The following KAZN variants were observed in gnomAD, a reference collection of about 807,000 sequenced individuals.
KAZN encodes the protein kazrin.
KAZN carries 40 observed loss-of-function variants against 87.4 expected under a neutral mutation model. The ratio of observed to expected loss-of-function variants is 0.46; its 90% confidence interval spans 0.36 to 0.60. The LOEUF (loss-of-function observed/expected upper bound fraction) is 0.60, where lower values mean the gene tolerates loss of function less well. Among genes scored for constraint, KAZN ranks in the 20% least tolerant of loss-of-function variants. The probability of loss-of-function intolerance (pLI) is 0.00; values close to 1 mark genes in which losing one functional copy is unlikely to be tolerated. For synonymous variants in KAZN, 466 were observed against 458.3 expected (o/e 1.02, Z -0.22); for missense variants, 898 against 1,073.9 (o/e 0.84, Z 2.29).
intron 2 of KAZN, among the ~76,000 whole-genome samples, chr1:14,465,203 T>C (rs1231494642): frequency 6.6e-6 from 1 of 151,374 alleles, no homozygotes; most frequent in Non-Finnish European, 1.5e-5. Context: ...ATCGAGACCA[T>C]CCTGGCTAAC....
intron 2 of KAZN, among the ~76,000 whole-genome samples, chr1:14,219,137 G>A (rs1016719939): frequency 6.6e-6 from 1 of 152,032 alleles, no homozygotes; most frequent in Non-Finnish European, 1.5e-5. Flanking sequence ...AGAGACCAAA[G>A]GGTAACCTGT....
At chr1:14,298,823 A>G (rs1443142705) in intron 2 of KAZN, among the ~76,000 whole-genome samples, 1 of 152,200 alleles carries the variant, frequency 6.6e-6, no homozygotes, top group Non-Finnish European at 1.5e-5. Context: ...GAGTATACAA[A>G]TGATTTATTC....
chr1:13,941,547 C>T (rs12081055), intron 1 of KAZN, among the ~76,000 whole-genome samples: 78,580 of 151,998 alleles, frequency 0.52, 20,692 homozygotes, highest in Admixed American at 0.59. Context: ...CTATGTAAAG[C>T]AGATGGGATT....
At chr1:15,111,286 G>GTTGTTGT (rs1641610876) in intron 13 of KAZN, among the ~76,000 whole-genome samples, 1 of 151,940 alleles carries the variant, frequency 6.6e-6, no homozygotes, top group Non-Finnish European at 1.5e-5. Context: ...TGTTGTTGTT[G>GTTGTTGT]TTGTTGTTGT....
chr1:14,261,229 C>G (rs1180519650), intron 2 of KAZN, among the ~76,000 whole-genome samples: 1 of 151,860 alleles, frequency 6.6e-6, no homozygotes. Flanking sequence ...TGGTCTGAGA[C>G]TCAGTTACTG....
At chr1:14,014,469 A>C (rs1274656968) in intron 1 of KAZN, among the ~76,000 whole-genome samples, 1 of 152,094 alleles carries the variant, frequency 6.6e-6, no homozygotes, top group African/African-American at 2.4e-5. Context: ...GCAATGATCC[A>C]AGCAGAAACC....
chr1:13,996,692 A>C (rs1639533494), intron 1 of KAZN, among the ~76,000 whole-genome samples: 1 of 152,176 alleles, frequency 6.6e-6, no homozygotes, highest in Admixed American at 6.5e-5. Flanking sequence ...CAGGGATAGA[A>C]CTCAGGTCTC....
intron 1 of KAZN, among the ~76,000 whole-genome samples, chr1:14,637,342 T>G (rs936103920): frequency 6.6e-6 from 1 of 152,162 alleles, no homozygotes; most frequent in Non-Finnish European, 1.5e-5. Flanking sequence ...TTTGCTTACA[T>G]TAACTTATTT....
chr1:14,899,919 G>A (rs140215295), intron 1 of KAZN, among the ~76,000 whole-genome samples: 3 of 152,340 alleles, frequency 2.0e-5, no homozygotes, highest in Non-Finnish European at 4.4e-5. Flanking sequence ...AATGAAAGCT[G>A]GCGCATAATC....
intron 2 of KAZN, among the ~76,000 whole-genome samples, chr1:14,552,356 G>T (rs1163410296): frequency 6.6e-6 from 1 of 152,178 alleles, no homozygotes; most frequent in Non-Finnish European, 1.5e-5. Context: ...AGGCAGGAGG[G>T]CTGGGAGCCG....
At chr1:14,807,402 C>T (rs1424836139) in intron 1 of KAZN, among the ~76,000 whole-genome samples, 1 of 152,140 alleles carries the variant, frequency 6.6e-6, no homozygotes, top group Non-Finnish European at 1.5e-5. Flanking sequence ...CTTGAAGTAG[C>T]CAGAAGAGTC....
chr1:14,924,576 G>C (rs1166290074), intron 1 of KAZN: 1 of 1,012,680 alleles, frequency 9.9e-7, no homozygotes, highest in East Asian at 9.8e-5. Context: ...CAGCCCGGTA[G>C]GTGCGCGCGG....
intron 1 of KAZN, among the ~76,000 whole-genome samples, chr1:14,934,759 G>A (rs1660255954): frequency 1.3e-5 from 2 of 152,228 alleles, no homozygotes; most frequent in African/African-American, 4.8e-5. Context: ...GGGGGCTGAT[G>A]CTGGCCAGTA....
chr1:14,640,059 G>A lies in KAZN; in HGVS notation c.226+40836G>A, dbSNP rs531968061. Among the ~76,000 whole-genome samples, 3 of 152,302 alleles carry A rather than the reference G, an allele frequency of 2.0e-5. No homozygotes were observed. In the East Asian group the frequency reaches 5.8e-4, roughly 29 times the overall value. ...CTTGGAAACTGGAAATCCACAAAAG[G>A]TTGTTCGAGAAATGCTCTGGGTTTG... On this transcript the variant is annotated intron_variant, in intron 1 of 14. Transcript: ENST00000376030.
intron 2 of KAZN, among the ~76,000 whole-genome samples, chr1:14,517,787 A>G (rs1019210477): frequency 1.3e-5 from 2 of 152,242 alleles, no homozygotes; most frequent in African/African-American, 4.8e-5. Flanking sequence ...CACAGCTGCC[A>G]AGAGGAACAT....
chr1:15,098,755 C>T (rs1187263727), intron 10 of KAZN, among the ~76,000 whole-genome samples: 1 of 152,218 alleles, frequency 6.6e-6, no homozygotes, highest in Non-Finnish European at 1.5e-5. Flanking sequence ...GTTTCCAGTT[C>T]AGGAGCTCCA....
intron 2 of KAZN, among the ~76,000 whole-genome samples, chr1:14,421,609 C>T (rs943373795): frequency 2.6e-5 from 4 of 152,144 alleles, no homozygotes; most frequent in African/African-American, 9.7e-5. Context: ...GTCTTAGAAA[C>T]ATAAGCCGAC....
At chr1:14,932,008 G>A (rs999692985) in intron 1 of KAZN, among the ~76,000 whole-genome samples, 3 of 152,188 alleles carry the variant, frequency 2.0e-5, no homozygotes, top group African/African-American at 7.2e-5. Context: ...TGCAGTGAGA[G>A]AACACATGGA....
At chr1:15,082,333 A>G (rs765734111) in intron 8 of KAZN, among the ~76,000 whole-genome samples, 4 of 152,184 alleles carry the variant, frequency 2.6e-5, no homozygotes, top group Non-Finnish European at 5.9e-5. Context: ...ATCAGGCTCC[A>G]GGGAGCTCTG....
Sources: allele counts gnomAD v4.1 joint callset (sites outside exome capture counted in the v4.1 genomes callset), GRCh38; gene constraint gnomAD v4.1.1; transcripts MANE v1.5; gene names NCBI Gene and HGNC (gene_info 2026-07-23, HGNC 2026-07-21).